Variants in DIS3L2 observed in about 807,000 individuals in gnomAD.
The protein encoded by DIS3L2 is DIS3 like 3'-5' exoribonuclease 2, also known as DIS3-like exonuclease 2.
DIS3L2 carries 34 observed loss-of-function variants against 97.5 expected under a neutral mutation model. The ratio of observed to expected loss-of-function variants is 0.35; its 90% CI spans 0.27 to 0.46. The LOEUF (loss-of-function observed/expected upper bound fraction) is 0.46, where lower values mean the gene tolerates loss of function less well. Among genes scored for constraint, DIS3L2 ranks in the 20% least tolerant of loss-of-function variants. The probability of loss-of-function intolerance (pLI) is 1.00; values close to 1 mark genes in which losing one functional copy is unlikely to be tolerated. For synonymous variants in DIS3L2, 435 were observed against 445.2 expected (o/e 0.98, Z 0.29); for missense variants, 1,038 against 1,146.0 (o/e 0.91, Z 1.36).
At chr2:232,087,170 A>G (rs945954448) in intron 5 of DIS3L2, among the ~76,000 whole-genome samples, 3 of 152,090 alleles carry the variant, frequency 2.0e-5, no homozygotes, top group Admixed American at 2.0e-4. Flanking sequence ...GGGTTTATGA[A>G]GCAGCATGGT....
chr2:232,259,743 T>A (rs989896532), intron 12 of DIS3L2: 1 of 152,158 alleles, frequency 6.6e-6, no homozygotes, highest in African/African-American at 2.4e-5. Flanking sequence ...CTCACCTTTC[T>A]GAGTAGTTGG....
intron 14 of DIS3L2, among the ~76,000 whole-genome samples, chr2:232,327,078 G>A (rs938135272): frequency 6.6e-6 from 1 of 152,162 alleles, no homozygotes; most frequent in Non-Finnish European, 1.5e-5. Flanking sequence ...TGTGGAGAGC[G>A]CCTGCAGGAA....
At chr2:232,022,041 A>C (rs925651295) in intron 3 of DIS3L2, among the ~76,000 whole-genome samples, 3 of 152,212 alleles carry the variant, frequency 2.0e-5, no homozygotes, top group Non-Finnish European at 4.4e-5. Flanking sequence ...GGATGGCTAT[A>C]GAAATGAAAG....
intron 9 of DIS3L2, among the ~76,000 whole-genome samples, chr2:232,187,263 T>G (rs1691466255): frequency 6.6e-6 from 1 of 152,142 alleles, no homozygotes; most frequent in Non-Finnish European, 1.5e-5. Flanking sequence ...TAACAAGTGT[T>G]GGTGAGGATG....
chr2:232,321,729 C>T (rs542102333), intron 14 of DIS3L2, among the ~76,000 whole-genome samples: 2 of 152,318 alleles, frequency 1.3e-5, no homozygotes, highest in South Asian at 2.1e-4. Flanking sequence ...GGCCGTGGCG[C>T]GGGCCTGAGT....
At chr2:232,179,830 A>G (rs1691215732) in intron 9 of DIS3L2, among the ~76,000 whole-genome samples, 2 of 105,102 alleles carry the variant, frequency 1.9e-5, no homozygotes, top group Non-Finnish European at 3.4e-5. Context: ...CTCTGATTTT[A>G]GTTATTTCTT....
At position 232,164,738 on chromosome 2, in the gene DIS3L2, G is replaced by A. The variant is rs181139140; in HGVS notation, c.1124+1106G>A. Among the ~76,000 whole-genome samples the A allele has an allele frequency of 2.1e-3, 322 of 152,248 alleles. 2 individuals carry two copies. Among genetic ancestry groups the A allele is most frequent in the African/African-American group, 7.3e-3 (305 of 41,530 alleles). On this transcript the variant is annotated intron_variant, in intron 9 of 20. Coordinates refer to ENST00000325385, the MANE Select transcript of DIS3L2 (RefSeq NM_152383.5). ...TCATAGAACACATATTACATTTGAA[G>A]TCAGTTAACCCATATTGCATTGCTG...
intron 5 of DIS3L2, among the ~76,000 whole-genome samples, chr2:232,063,792 G>A (rs1695778841): frequency 6.6e-6 from 1 of 152,066 alleles, no homozygotes; most frequent in Non-Finnish European, 1.5e-5. Flanking sequence ...CAATACTAGC[G>A]ATGTGGTTTT....
At position 231,972,550 on chromosome 2, in the gene DIS3L2, T is replaced by C. The variant is rs533756057; in HGVS notation, c.-94+10785T>C. On this transcript the variant is annotated intron_variant, in intron 1 of 20. Coordinates refer to ENST00000325385, the MANE Select transcript of DIS3L2 (RefSeq NM_152383.5). ...ATGACTGTATTAAAAGTAACCTTTC[T>C]TTTTTCTTTTTGAGATGGAATCTTG... is the stretch of plus-strand genomic sequence containing the variant. Among the ~76,000 whole-genome samples, 13 of 152,216 alleles carry C rather than the reference T, an allele frequency of 8.5e-5. No individual in the cohort carries two copies. In the East Asian group the frequency reaches 2.3e-3, roughly 27 times the overall value.
intron 14 of DIS3L2, among the ~76,000 whole-genome samples, chr2:232,315,636 A>G (rs1284701428): frequency 6.6e-6 from 1 of 152,166 alleles, no homozygotes. Context: ...GGCACAGGCT[A>G]TCAATGGCTA....
chr2:232,015,322 C>T (rs114039776), intron 2 of DIS3L2, among the ~76,000 whole-genome samples, 192 bp from the exon 3 acceptor site: 95 of 152,268 alleles, frequency 6.2e-4, no homozygotes, highest in Non-Finnish European at 8.8e-4. Flanking sequence ...AAACTCAAGT[C>T]TCATCTGTGT....
intron 14 of DIS3L2, among the ~76,000 whole-genome samples, chr2:232,321,700 G>C (rs188353736): frequency 1.3e-5 from 2 of 152,232 alleles, no homozygotes; most frequent in East Asian, 3.9e-4. Flanking sequence ...CAACCAGGAG[G>C]GGGCAGCCTT....
At chr2:232,330,913 C>T (rs1407047169) in intron 16 of DIS3L2, 137 bp downstream of exon 16, 2 of 900,374 alleles carry the variant, frequency 2.2e-6, no homozygotes, top group African/African-American at 1.6e-5. Flanking sequence ...GGCTGCTCCT[C>T]CTCTGCCAGA....
chr2:232,192,141 T>C (rs1472730846), intron 9 of DIS3L2, among the ~76,000 whole-genome samples: 1 of 152,250 alleles, frequency 6.6e-6, no homozygotes, highest in African/African-American at 2.4e-5. Flanking sequence ...TTTTTACTTA[T>C]CTTTTTGTTA....
At chr2:232,054,955 T>G (rs1321802063) in intron 5 of DIS3L2, among the ~76,000 whole-genome samples, 1 of 152,188 alleles carries the variant, frequency 6.6e-6, no homozygotes, top group African/African-American at 2.4e-5. Context: ...AGGATTACTA[T>G]TCAAAACTCA....
At chr2:232,012,309 A>G (rs1296482602) in intron 1 of DIS3L2, among the ~76,000 whole-genome samples, 1 of 152,176 alleles carries the variant, frequency 6.6e-6, no homozygotes, top group Non-Finnish European at 1.5e-5. Context: ...AGCTAAAGAG[A>G]CAAGTTAGGT....
intron 13 of DIS3L2, among the ~76,000 whole-genome samples, chr2:232,274,815 A>G (rs907317888): frequency 1.4e-4 from 22 of 152,266 alleles, no homozygotes; most frequent in Non-Finnish European, 2.8e-4. Context: ...ATAAATGAAA[A>G]CATTTTAGCA....
At chr2:232,010,613 C>A (rs1694171793) in intron 1 of DIS3L2, among the ~76,000 whole-genome samples, 1 of 151,482 alleles carries the variant, frequency 6.6e-6, no homozygotes, top group Admixed American at 6.6e-5. Flanking sequence ...CTAAACCTGT[C>A]TTTGGACTTT....
chr2:232,001,003 C>T (rs1693885109), intron 1 of DIS3L2, among the ~76,000 whole-genome samples: 1 of 152,034 alleles, frequency 6.6e-6, no homozygotes, highest in South Asian at 2.1e-4. Flanking sequence ...GAGAATAATA[C>T]TGTAATGAAC....
Sources: allele counts gnomAD v4.1 joint callset (sites outside exome capture counted in the v4.1 genomes callset), GRCh38; gene constraint gnomAD v4.1.1; transcripts MANE v1.5; gene names NCBI Gene and HGNC (gene_info 2026-07-23, HGNC 2026-07-21).